PEX14: variants seen among roughly 807,000 people sequenced by gnomAD.
The protein encoded by PEX14 is peroxisomal biogenesis factor 14.
PEX14 carries 15 observed loss-of-function variants against 49.5 expected under a neutral mutation model. The observed-to-expected ratio is 0.30, with a 90% CI of 0.20 to 0.47. The LOEUF (loss-of-function observed/expected upper bound fraction) is 0.47. Ranked by LOEUF, PEX14 falls within the 20% of genes least tolerant of loss-of-function variation. The probability of loss-of-function intolerance (pLI) is 1.00; values close to 1 mark genes in which losing one functional copy is unlikely to be tolerated. For synonymous variants in PEX14, 210 were observed against 212.7 expected (o/e 0.99, Z 0.11); for missense variants, 398 against 494.8 (o/e 0.80, Z 1.86).
intron 2 of PEX14, among the ~76,000 whole-genome samples, chr1:10,518,136 C>T (rs1051467909): frequency 7.2e-5 from 11 of 151,984 alleles, no homozygotes; most frequent in African/African-American, 2.7e-4. Context: ...TGCTTTTTCG[C>T]TCTCCTCTCC....
intron 2 of PEX14, among the ~76,000 whole-genome samples, chr1:10,515,853 A>G (rs79317148): frequency 0.012 from 1,779 of 152,294 alleles, 18 homozygotes; most frequent in Middle Eastern, 0.027. Context: ...AGGTTGTGAC[A>G]TGCTGACAGA....
chr1:10,504,875 C>T (rs1641753717), intron 2 of PEX14, among the ~76,000 whole-genome samples: 1 of 152,006 alleles, frequency 6.6e-6, no homozygotes, highest in Admixed American at 6.6e-5. Flanking sequence ...CAACCTCCGC[C>T]TCCCAGGGTC....
rs1198366787 is a variant in PEX14 at position 10,541,288 on chromosome 1, G to T, written c.169+4991G>T. 7.2e-5 allele frequency among the ~76,000 whole-genome samples: 11 copies of T among 152,320 alleles called. No individual in the cohort carries two copies. The East Asian group carries it at 1.9e-3, about 27-fold the overall frequency. The stretch of plus-strand genomic sequence containing the variant: ...CCTAGACAAACAGGTCACCTTAGCG[G>T]TAAAAGCCTTTCTCAGGAGTGAGAG... On this transcript the variant is annotated intron_variant, in intron 3 of 8. Coordinates refer to ENST00000356607, the MANE Select transcript of PEX14 (RefSeq NM_004565.3).
chr1:10,524,549 T>A (rs1638405009), intron 2 of PEX14: 2 of 255,850 alleles, frequency 7.8e-6, no homozygotes, highest in South Asian at 2.9e-4. Context: ...TTCTCCTAGA[T>A]GACCAAGATG....
intron 8 of PEX14, among the ~76,000 whole-genome samples, chr1:10,627,999 G>C (rs1205729616): frequency 1.3e-5 from 2 of 151,998 alleles, no homozygotes; most frequent in African/African-American, 4.8e-5. Flanking sequence ...GCAGTGGCAC[G>C]ATCTCGGCTC....
At chr1:10,565,437 A>G (rs1356772933) in intron 3 of PEX14, among the ~76,000 whole-genome samples, 1 of 152,180 alleles carries the variant, frequency 6.6e-6, no homozygotes, top group Non-Finnish European at 1.5e-5. Context: ...CAAAGAACCT[A>G]AAGTTCTTCA....
chr1:10,554,624 A>C (rs1047000703), intron 3 of PEX14, among the ~76,000 whole-genome samples: 1 of 152,220 alleles, frequency 6.6e-6, no homozygotes, highest in Admixed American at 6.5e-5. Context: ...CACACAGTGC[A>C]GTCCAGATCT....
intron 3 of PEX14, among the ~76,000 whole-genome samples, chr1:10,542,863 T>C (rs1387013799): frequency 1.3e-5 from 2 of 152,206 alleles, no homozygotes; most frequent in African/African-American, 4.8e-5. Flanking sequence ...ATGAATATTC[T>C]TGTCGTATAC....
At chr1:10,616,400 C>T (rs1278384278) in intron 4 of PEX14, among the ~76,000 whole-genome samples, 1 of 152,196 alleles carries the variant, frequency 6.6e-6, no homozygotes, top group Non-Finnish European at 1.5e-5. Context: ...GCAGAAGTCT[C>T]TCAAGCAGCA....
At chr1:10,548,577 G>T (rs541422072) in intron 3 of PEX14, among the ~76,000 whole-genome samples, 10 of 152,260 alleles carry the variant, frequency 6.6e-5, no homozygotes, top group African/African-American at 2.2e-4. Flanking sequence ...TTATCTGTTG[G>T]GGGGTGGTGT....
At chr1:10,621,342 C>CTTT (rs930417764) in intron 5 of PEX14, among the ~76,000 whole-genome samples, 139 of 107,910 alleles carry the variant, frequency 1.3e-3, no homozygotes, top group Non-Finnish European at 1.8e-3. Flanking sequence ...TATATGAATT[C>CTTT]TTTTTTTTTT....
intron 3 of PEX14, chr1:10,536,644 C>T (rs1195040411): frequency 1.6e-5 from 5 of 307,320 alleles, no homozygotes; most frequent in Non-Finnish European, 3.2e-5. Flanking sequence ...GGATGACTAG[C>T]TTAGGTTAGG....
At chr1:10,566,614 G>A (rs1445402868) in intron 3 of PEX14, among the ~76,000 whole-genome samples, 2 of 151,852 alleles carry the variant, frequency 1.3e-5, no homozygotes, top group Non-Finnish European at 2.9e-5. Flanking sequence ...TCAGCCTCCC[G>A]AGTAGCTAGG....
At chr1:10,526,248 G>T (rs1343361758) in intron 2 of PEX14, among the ~76,000 whole-genome samples, 2 of 143,866 alleles carry the variant, frequency 1.4e-5, no homozygotes, top group Admixed American at 7.3e-5. Context: ...TTGAGACAGA[G>T]TCGTGCTCTG....
rs952683341 is a variant in PEX14, at chr1:10,628,326, A to G, written c.677+963A>G. On this transcript the variant is annotated intron_variant, in intron 8 of 8. Coordinates refer to ENST00000356607, the MANE Select transcript of PEX14 (RefSeq NM_004565.3). The surrounding 1 kb of genome is among the most constrained non-coding windows in gnomAD (Gnocchi z 4.5). The stretch of plus-strand genomic sequence containing the variant: ...GGCCATCCTCCTGGGCTGATGCCCT[A>G]GTGGGCCTTGCATGGGGTGTCCTTG... 2.0e-5 allele frequency among the ~76,000 whole-genome samples: 3 copies of G among 152,230 alleles called. No homozygotes were observed. Among genetic ancestry groups the G allele is most frequent in the Non-Finnish European group, 4.4e-5 (3 of 68,040 alleles).
intron 3 of PEX14, among the ~76,000 whole-genome samples, chr1:10,550,481 A>G (rs1190542241): frequency 6.6e-6 from 1 of 152,224 alleles, no homozygotes; most frequent in Non-Finnish European, 1.5e-5. Context: ...TGCACTGGGG[A>G]CATAAATGGT....
chr1:10,475,143 C>A, intron 1 of PEX14, 141 bp downstream of exon 1: 4 of 769,142 alleles, frequency 5.2e-6, no homozygotes, highest in Non-Finnish European at 8.9e-6. Context: ...GAGCCCCGCC[C>A]CTCCCCAGGT....
intron 3 of PEX14, among the ~76,000 whole-genome samples, chr1:10,586,858 G>T (rs1640508843): frequency 1.3e-5 from 2 of 151,940 alleles, no homozygotes; most frequent in Middle Eastern, 6.8e-3. Flanking sequence ...AGCCAGGATG[G>T]TCTCAATCTT....
chr1:10,544,390 G>A (rs534071771), intron 3 of PEX14, among the ~76,000 whole-genome samples: 1 of 152,230 alleles, frequency 6.6e-6, no homozygotes, highest in African/African-American at 2.4e-5. Context: ...ACTATACCAC[G>A]TACTTTCTGG....
Sources: allele counts gnomAD v4.1 joint callset (sites outside exome capture counted in the v4.1 genomes callset), GRCh38; gene constraint gnomAD v4.1.1; non-coding constraint Gnocchi (gnomAD v3.1); transcripts MANE v1.5; gene names NCBI Gene and HGNC (gene_info 2026-07-23, HGNC 2026-07-21).